MFAP5: variants seen among roughly 807,000 people sequenced by gnomAD.
MFAP5 encodes microfibril associated protein 5, also known as microfibrillar-associated protein 5.
A neutral mutation model predicts 30.1 loss-of-function variants in MFAP5; 19 were observed. The ratio of observed to expected loss-of-function variants is 0.63; its 90% CI spans 0.44 to 0.93. MFAP5 has a LOEUF of 0.93. Among genes scored for constraint, MFAP5 ranks in the 40% least tolerant of loss-of-function variants. MFAP5 has a pLI of 0.00. For synonymous variants in MFAP5, 92 were observed against 72.9 expected (o/e 1.26, Z -1.33); for missense variants, 210 against 221.3 (o/e 0.95, Z 0.32).
chr12:8,656,984 A>C (rs1314350421), intron 3 of MFAP5, among the ~76,000 whole-genome samples: 1 of 152,038 alleles, frequency 6.6e-6, no homozygotes, highest in Non-Finnish European at 1.5e-5. Flanking sequence ...CTAAATATTT[A>C]AATGTTTGCT....
In MFAP5 at chr12:8,650,356, G is replaced by T. The variant is rs1941799715; in HGVS notation, c.335+146C>A. On this transcript the variant is annotated intron_variant, in intron 8 of 9. Transcript: ENST00000359478. Reference sequence around the variant, plus strand: ...CAGCCCATACTCCAGGTTCTAGTTGGTACATTCAGCAATAACTAGGAGGGT... The same window carrying T: ...CAGCCCATACTCCAGGTTCTAGTTGTTACATTCAGCAATAACTAGGAGGGT... 1.0e-5 allele frequency: 7 copies of T among 686,500 alleles called. No homozygotes were observed. The Admixed American group carries it at 1.6e-4, about 16-fold the overall frequency. The allele number at this position is 686,500 out of a possible 1,614,324, so 42.5% of individuals were successfully genotyped here. A position where few individuals can be genotyped will look rare whatever the true frequency, so the allele number is the denominator to read the frequency against.
At chr12:8,660,555 A>C (rs1467532810) in intron 3 of MFAP5, among the ~76,000 whole-genome samples, 1 of 152,088 alleles carries the variant, frequency 6.6e-6, no homozygotes, top group Non-Finnish European at 1.5e-5. Context: ...GCATTTTCTG[A>C]GTAAGATAGG....
At position 8,650,542 on chromosome 12, in the gene MFAP5, G is replaced by A. The variant is rs376156013; in HGVS notation, c.295C>T (p.Arg99Trp). 37 of 1,613,952 alleles carry A rather than the reference G, an allele frequency of 2.3e-5. No individual in the cohort carries two copies. Among genetic ancestry groups the A allele is most frequent in the East Asian group, 1.8e-4 (8 of 44,890 alleles). ...TGATGAATGCATTGTTTAACCGGCC[G>A]ATGCACAGAGTAGAGCCTTGTGCAG... is the stretch of plus-strand genomic sequence containing the variant. ...FTCTRLYSVH[R>W]PVKQCIHQLC... Residue 99 changes from arginine to tryptophan, a missense_variant, in exon 8 of 10, where the codon CGG (arginine) becomes TGG (tryptophan). Coordinates refer to ENST00000359478, the MANE Select transcript of MFAP5 (RefSeq NM_003480.4).
rs567894406 is a variant in MFAP5, at chr12:8,661,701, CCCT to C, written c.58+343_58+345del. Among the ~76,000 whole-genome samples the C allele has an allele frequency of 2.0e-3, 308 of 151,908 alleles. 1 individual carries two copies. The highest frequency in any genetic ancestry group is 3.4e-3 in the Non-Finnish European group (228 of 67,934). On this transcript the variant is annotated intron_variant, in intron 2 of 9. Coordinates refer to ENST00000359478, the MANE Select transcript of MFAP5 (RefSeq NM_003480.4). ...CAGGTCCAGTTTCTTTCTAGGTAGT[CCCT>C]CCTCTATGTTTGTGTATGCATTTGT... is the stretch of plus-strand genomic sequence containing the variant.
At position 8,648,395 on chromosome 12, in the gene MFAP5, C is replaced by T; in HGVS notation, c.410-192G>A. On this transcript the variant is annotated intron_variant, in intron 9 of 9. Transcript: ENST00000359478. ...TAGAAAGTTTCTTAAATTTTATAAA[C>T]CTCACTATCCCTTTCTGTAAAATGA... The T allele has an allele frequency of 9.7e-6, 9 of 927,416 alleles. No homozygotes were observed. In the South Asian group the frequency reaches 1.6e-4, roughly 17 times the overall value. The allele number at this position is 927,416 out of a possible 1,614,324, so 57.4% of individuals were successfully genotyped here.
chr12:8,656,750 C>T (rs1307774417), intron 3 of MFAP5, among the ~76,000 whole-genome samples: 1 of 150,176 alleles, frequency 6.7e-6, no homozygotes, highest in African/African-American at 2.5e-5. Context: ...CTCACTGCAA[C>T]CTCCGCCTCC....
chr12:8,648,137 A>G lies in MFAP5; in HGVS notation c.476T>C (p.Leu159Pro), dbSNP rs1436805540. Residue 159 changes from leucine to proline, a missense_variant, in exon 10 of 10, where the codon CTT (leucine) becomes CCT (proline). By Grantham distance (98) the Leu-to-Pro change is moderately conservative. Transcript: ENST00000359478. ...CAAATCCACATTTTCACAGGGAGGA[A>G]GTCGGAAGTAATTGGAGCGACGGAG... ...RRLRRSNYFR[L>P]PPCENVDLQR... is the part of the protein sequence containing the mutation. 2.5e-6 allele frequency: 4 copies of G among 1,613,894 alleles called. No individual in the cohort carries two copies. The highest frequency in any genetic ancestry group is 3.3e-5 in the Admixed American group (2 of 59,982).
chr12:8,655,528 T>C (rs369252696), intron 4 of MFAP5, 81 bp from the exon 5 acceptor site: 2 of 1,416,578 alleles, frequency 1.4e-6, no homozygotes, highest in African/African-American at 1.4e-5. Context: ...GACGATGATC[T>C]CAAAGGAGGC....
chr12:8,651,325 G>A (rs1456117194), intron 7 of MFAP5, among the ~76,000 whole-genome samples: 1 of 152,148 alleles, frequency 6.6e-6, no homozygotes, highest in Non-Finnish European at 1.5e-5. Context: ...ATTAGGAAAT[G>A]CAATTTTAAC....
intron 6 of MFAP5, chr12:8,654,209 G>T: frequency 4.6e-6 from 2 of 438,700 alleles, no homozygotes; most frequent in Admixed American, 3.9e-5. Flanking sequence ...CTTTTATCTT[G>T]CCTTTACCCA....
chr12:8,650,253 C>T (rs1375460933), intron 8 of MFAP5: 4 of 482,026 alleles, frequency 8.3e-6, no homozygotes, highest in Non-Finnish European at 1.5e-5. Flanking sequence ...CAGTATTTCC[C>T]TCATGACCCT....
At chr12:8,653,202 AAAAAAGAAAAAAG>A in intron 6 of MFAP5, among the ~76,000 whole-genome samples, 1 of 151,674 alleles carries the variant, frequency 6.6e-6, no homozygotes. Flanking sequence ...CAAAAAAAAA[AAAAAAGAAAAAAG>A]AAAAAGAAAA....
intron 3 of MFAP5, among the ~76,000 whole-genome samples, chr12:8,656,625 T>TACACATAC (rs1942001236): frequency 8.2e-6 from 1 of 121,316 alleles, no homozygotes; most frequent in East Asian, 2.2e-4. Flanking sequence ...TATACACACA[T>TACACATAC]ACACACACAC....
At chr12:8,659,171 G>A (rs1310724751) in intron 3 of MFAP5, among the ~76,000 whole-genome samples, 7 of 151,900 alleles carry the variant, frequency 4.6e-5, no homozygotes, top group African/African-American at 1.7e-4. Context: ...AGCCAGTTGT[G>A]GTGGCGCATG....
rs1429114987 is a variant in MFAP5 at position 8,645,951 on chromosome 12, C to G, written c.*2140G>C. 6.6e-6 allele frequency: 1 copy of G among 152,172 alleles called. No homozygotes were observed. Among genetic ancestry groups the G allele is most frequent in the South Asian group, 2.1e-4 (1 of 4,760 alleles). 9.4% of individuals were successfully genotyped at this position (152,172 alleles called of 1,614,324 possible). ...ACATAGAAGAGAAAAAGAACCAGAA[C>G]AAAAGACATTTTATTTTGAGAAATA... On this transcript the variant is annotated 3_prime_UTR_variant, in exon 10 of 10. Coordinates refer to ENST00000359478, the MANE Select transcript of MFAP5 (RefSeq NM_003480.4).
rs1370889967 is a variant in MFAP5 at position 8,652,689 on chromosome 12, T to C, written c.218-998A>G. Among the ~76,000 whole-genome samples the C allele has an allele frequency of 2.6e-5, 4 of 152,166 alleles. No homozygotes were observed. In the East Asian group the frequency reaches 5.8e-4, roughly 22 times the overall value. ...TCTAGGCAGGTGTATATGCTGATAA[T>C]TCCCAAACCTGTATTTCCAACCTCA... On this transcript the variant is annotated intron_variant, in intron 6 of 9. Coordinates refer to ENST00000359478, the MANE Select transcript of MFAP5 (RefSeq NM_003480.4).
chr12:8,654,612 G>A, intron 5 of MFAP5, 131 bp from the exon 6 acceptor site: 1 of 725,942 alleles, frequency 1.4e-6, no homozygotes, highest in African/African-American at 1.8e-5. Context: ...TATGTATAAG[G>A]GAATAGAATT....
intron 5 of MFAP5, among the ~76,000 whole-genome samples, chr12:8,654,936 G>T (rs925629831): frequency 5.1e-5 from 6 of 117,576 alleles, no homozygotes; most frequent in Non-Finnish European, 1.0e-4. Context: ...GCTAGACTCT[G>T]TCTCAAAAAA....
Position 8,650,584 on chromosome 12 carries a change from A to G in MFAP5, c.253T>C (p.Trp85Arg), listed in dbSNP as rs768399987. 2 of 1,613,248 alleles carry G rather than the reference A, an allele frequency of 1.2e-6. No homozygotes were observed. Among genetic ancestry groups the G allele is most frequent in the African/African-American group, 2.7e-5 (2 of 74,344 alleles). The change falls in exon 8 of 10, where the codon TGG becomes CGG. Residue 85 changes from tryptophan to arginine, a missense_variant. Trp to Arg is a moderately radical substitution (Grantham distance 101). Coordinates refer to ENST00000359478, the MANE Select transcript of MFAP5 (RefSeq NM_003480.4). ...LSEKNTTAEC[W>R]DEKFTCTRLY... is the part of the protein sequence containing the mutation. ...CTTGTGCAGGTAAATTTCTCATCCC[A>G]GCACTCTGAGGAAGCCCAATACAAA...
Sources: allele counts gnomAD v4.1 joint callset (sites outside exome capture counted in the v4.1 genomes callset), GRCh38; gene constraint gnomAD v4.1.1; transcripts MANE v1.5; gene names NCBI Gene and HGNC (gene_info 2026-07-23, HGNC 2026-07-21).